The following ANKRD24 variants were observed in gnomAD, a reference collection of about 807,000 sequenced individuals.
ANKRD24 encodes ankyrin repeat domain-containing protein 24.
Under a neutral mutation model 127.8 loss-of-function variants are expected in ANKRD24, and 109 were observed. The ratio of observed to expected loss-of-function variants is 0.85; its 90% CI spans 0.73 to 1.00. The LOEUF (loss-of-function observed/expected upper bound fraction) is 1.00, where lower values mean the gene tolerates loss of function less well. Among genes scored for constraint, ANKRD24 ranks in the 50% least tolerant of loss-of-function variants. ANKRD24 has a pLI of 0.00. For missense variants in ANKRD24, 1,648 were observed against 1,570.2 expected, an observed-to-expected ratio of 1.05 and a Z score of -0.84; for synonymous variants, 743 against 671.1, an observed-to-expected ratio of 1.11 and a Z score of -1.66.
Position 4,217,964 on chromosome 19 carries a change from G to T in ANKRD24, c.2804G>T (p.Ser935Ile). Residue 935 changes from serine (S) to isoleucine (I), a missense_variant, in exon 18 of 22, where the codon AGT (serine) becomes ATT (isoleucine). By Grantham distance (142) the Ser-to-Ile change is moderately radical. Coordinates refer to ENST00000318934, the MANE Select transcript of ANKRD24 (RefSeq NM_001393985.1). ...EALELRGRAA[S>I]LEQEVVATGK... Reference sequence around the variant, plus strand: ...CTGGAGCTGCGGGGCCGGGCAGCCAGTCTGGAGCAGGAGGTGGTGGCCACG... The same window carrying T: ...CTGGAGCTGCGGGGCCGGGCAGCCATTCTGGAGCAGGAGGTGGTGGCCACG... 6.6e-7 allele frequency: 1 copy of T among 1,515,812 alleles called. No homozygotes were observed. Among genetic ancestry groups the T allele is most frequent in the Non-Finnish European group, 8.8e-7 (1 of 1,139,414 alleles). The allele number at this position is 1,515,812 out of a possible 1,614,324, so 93.9% of individuals were successfully genotyped here. A position where few individuals can be genotyped will look rare whatever the true frequency, so the allele number is the denominator to read the frequency against.
Position 4,200,169 on chromosome 19 carries a change from C to T in ANKRD24, c.341C>T (p.Ala114Val). ...AGCAATGTCATGAGCGCGGACGGGG[C>T]AGGTACTGCCAGCTGGGCCCCGGGG... is the stretch of plus-strand genomic sequence containing the variant. Reference protein sequence around the residue: ...HGSNVMSADGAGYNALHLAAK... With the variant: ...HGSNVMSADGVGYNALHLAAK... The change falls in exon 5 of 22, where the codon GCA becomes GTA. Residue 114 changes from alanine (A) to valine (V), a missense_variant and splice_region_variant. Coordinates refer to ENST00000318934, the MANE Select transcript of ANKRD24 (RefSeq NM_001393985.1). 1 of 1,597,486 alleles carries T rather than the reference C, an allele frequency of 6.3e-7. No individual in the cohort carries two copies. Among genetic ancestry groups the T allele is most frequent in the Non-Finnish European group, 8.5e-7 (1 of 1,173,042 alleles).
At position 4,206,509 on chromosome 19, in the gene ANKRD24, A is replaced by G. The variant is rs557764481; in HGVS notation, c.467-733A>G. 5.9e-5 allele frequency among the ~76,000 whole-genome samples: 9 copies of G among 151,936 alleles called. 1 individual carries two copies. In the South Asian group the frequency reaches 1.7e-3, roughly 28 times the overall value. On this transcript the variant is annotated intron_variant, in intron 7 of 21. Transcript: ENST00000318934. ...AAAAATTAGCCAGGCACGGTTGCAC[A>G]TGCCTTGTAGTGTGGGTCTCATTCC...
chr19:4,215,717 G>A (rs1970021036), intron 15 of ANKRD24, among the ~76,000 whole-genome samples: 1 of 151,716 alleles, frequency 6.6e-6, no homozygotes, highest in Non-Finnish European at 1.5e-5. Flanking sequence ...GGAGGCTGCA[G>A]TGAACTATGA....
rs991930063 is a variant in ANKRD24 at position 4,198,673 on chromosome 19, C to A, written c.37-1010C>A. 2.5e-5 allele frequency: 10 copies of A among 402,460 alleles called. No homozygotes were observed. The highest frequency in any genetic ancestry group is 4.2e-5 in the African/African-American group (2 of 48,158). The allele number at this position is 402,460 out of a possible 1,614,324, so 24.9% of individuals were successfully genotyped here. A position where few individuals can be genotyped will look rare whatever the true frequency, so the allele number is the denominator to read the frequency against. ...GTCGGCGGCGGGGGGTGGGGGGGAACAGAGGTTGGGGCAGCTTTTGGGGGA... is the reference window on the plus strand; with the variant it reads ...GTCGGCGGCGGGGGGTGGGGGGGAAAAGAGGTTGGGGCAGCTTTTGGGGGA... On this transcript the variant is annotated intron_variant, in intron 2 of 21. Transcript: ENST00000318934. The surrounding 1 kb of genome is among the most constrained non-coding windows in gnomAD (Gnocchi z 6.1).
Position 4,207,301 on chromosome 19 carries a change from C to A in ANKRD24, c.526C>A (p.Pro176Thr). Residue 176 changes from proline to threonine, a missense_variant, in exon 8 of 22, where the codon CCC becomes ACC. Transcript: ENST00000318934. ...VLCSFKAHLN[P>T]QDRSGATPLI... Reference sequence around the variant, plus strand: ...CTGCTCCTTTAAGGCACATCTAAACCCCCAAGATCGGGTAAGCTTCTGGGA... The same window carrying A: ...CTGCTCCTTTAAGGCACATCTAAACACCCAAGATCGGGTAAGCTTCTGGGA... The A allele has an allele frequency of 6.2e-7, 1 of 1,613,784 alleles. No homozygotes were observed. Among genetic ancestry groups the A allele is most frequent in the Non-Finnish European group, 8.5e-7 (1 of 1,179,826 alleles).
chr19:4,224,032 G>C, intron 20 of ANKRD24, 95 bp from the exon 21 acceptor site: 1 of 942,822 alleles, frequency 1.1e-6, no homozygotes, highest in Non-Finnish European at 1.6e-6. Context: ...GGCCATCAAC[G>C]TACAGGCTTG....
At position 4,222,798 on chromosome 19, in the gene ANKRD24, A is replaced by T. The variant is rs762374512; in HGVS notation, c.3297+3A>T. The T allele has an allele frequency of 1.2e-6, 2 of 1,604,842 alleles. No individual in the cohort carries two copies. The highest frequency in any genetic ancestry group is 1.7e-6 in the Non-Finnish European group (2 of 1,173,364). ...AGGATTTACAGCAGCAGCTGCAGGT[A>T]AGGACTGGGCCACGCAGGGGCCAGG... On this transcript the variant is annotated splice_donor_region_variant and intron_variant, in intron 20 of 21. Coordinates refer to ENST00000318934, the MANE Select transcript of ANKRD24 (RefSeq NM_001393985.1).
chr19:4,196,082 T>G (rs8112991), intron 2 of ANKRD24, among the ~76,000 whole-genome samples: 76,836 of 151,930 alleles, frequency 0.51, 19,636 homozygotes, highest in Middle Eastern at 0.54. Flanking sequence ...GGGATGCTGC[T>G]CGGCACCCTG....
chr19:4,202,902 G>A lies in ANKRD24; in HGVS notation c.442G>A (p.Gly148Arg), dbSNP rs374613901. The A allele has an allele frequency of 1.0e-5, 16 of 1,587,882 alleles. No homozygotes were observed. Among genetic ancestry groups the A allele is most frequent in the East Asian group, 6.9e-5 (3 of 43,188 alleles). Residue 148 changes from glycine to arginine, a missense_variant, in exon 7 of 22, where the codon GGG becomes AGG. Physicochemically the swap from Gly to Arg is moderately radical, Grantham distance 125. Coordinates refer to ENST00000318934, the MANE Select transcript of ANKRD24 (RefSeq NM_001393985.1). Reference sequence around the variant, plus strand: ...CGTGGTGGACGTCGTGGACAGCAGCGGGTGGACTGCCCTACACCATGCAGG... The same window carrying A: ...CGTGGTGGACGTCGTGGACAGCAGCAGGTGGACTGCCCTACACCATGCAGG... ...SCVVDVVDSSGWTALHHAAAG... is the reference protein window; with the variant it reads ...SCVVDVVDSSRWTALHHAAAG...
intron 18 of ANKRD24, among the ~76,000 whole-genome samples, 180 bp downstream of exon 18, chr19:4,218,343 A>T (rs539920665): frequency 2.7e-5 from 4 of 148,834 alleles, no homozygotes; most frequent in Non-Finnish European, 5.9e-5. Context: ...CGTGTCGCCC[A>T]GGCTGGAGTG....
chr19:4,218,044 G>C lies in ANKRD24; in HGVS notation c.2884G>C (p.Val962Leu). Residue 962 changes from valine (V) to leucine (L), a missense_variant, in exon 18 of 22, where the codon GTG (valine) becomes CTG (leucine). Val to Leu is a conservative substitution (Grantham distance 32). Coordinates refer to ENST00000318934, the MANE Select transcript of ANKRD24 (RefSeq NM_001393985.1). ...AELERERVCSVALSEHERIVG... is the reference protein window; with the variant it reads ...AELERERVCSLALSEHERIVG... ...GCTGGAGCGGGAGCGTGTGTGCAGC[G>C]TGGCGCTCTCGGAGCACGAACGCAT... 1 of 1,560,556 alleles carries C rather than the reference G, an allele frequency of 6.4e-7. No homozygotes were observed. Among genetic ancestry groups the C allele is most frequent in the Non-Finnish European group, 8.6e-7 (1 of 1,157,832 alleles).
intron 13 of ANKRD24, 55 bp downstream of exon 13, chr19:4,210,427 G>GCA: frequency 7.2e-7 from 1 of 1,393,572 alleles, no homozygotes; most frequent in Middle Eastern, 1.8e-4. Flanking sequence ...GTCAATGCAG[G>GCA]CATGAAGATC....
intron 20 of ANKRD24, among the ~76,000 whole-genome samples, chr19:4,223,385 ATATATATATATATATAT>A (rs1206518921): frequency 1.3e-5 from 1 of 78,294 alleles, no homozygotes; most frequent in African/African-American, 6.9e-5. Flanking sequence ...ATATATATAT[ATATATATATATATATAT>A]TTTTTTTTTT....
In ANKRD24 at chr19:4,219,770, C is replaced by G. The variant is rs761771492; in HGVS notation, c.3171+12C>G. ...AGAAGGACAAGAAGGTGGGTGCCCC[C>G]TCTCCCACACTCAGTCAGGGAGGCA... On this transcript the variant is annotated intron_variant, in intron 19 of 21. Transcript: ENST00000318934. 9 of 1,587,122 alleles carry G rather than the reference C, an allele frequency of 5.7e-6. No individual in the cohort carries two copies. The East Asian group carries it at 2.0e-4, about 36-fold the overall frequency.
intron 17 of ANKRD24, 45 bp downstream of exon 17, chr19:4,216,447 GT>G: frequency 6.4e-7 from 1 of 1,555,430 alleles, no homozygotes; most frequent in African/African-American, 1.4e-5. Context: ...CCTAGGGCTG[GT>G]TCCCTGAGGT....
At chr19:4,205,300 G>A (rs929014226) in intron 7 of ANKRD24, among the ~76,000 whole-genome samples, 6 of 152,326 alleles carry the variant, frequency 3.9e-5, no homozygotes, top group African/African-American at 7.2e-5. Context: ...GTCAGGCACC[G>A]TTCTACGTGT....
At position 4,219,620 on chromosome 19, in the gene ANKRD24, T is replaced by C. The variant is rs1599468837; in HGVS notation, c.3033T>C (p.Ser1011=). 3 of 1,612,580 alleles carry C rather than the reference T, an allele frequency of 1.9e-6. No individual in the cohort carries two copies. Among genetic ancestry groups the C allele is most frequent in the Non-Finnish European group, 2.5e-6 (3 of 1,179,142 alleles). Reference sequence around the variant, plus strand: ...AGCGTGAGGCCCTGTTCATGAAGAGTGAGCGACACGCAGCCGAGGCACAGC... The same window carrying C: ...AGCGTGAGGCCCTGTTCATGAAGAGCGAGCGACACGCAGCCGAGGCACAGC... ...QVQREALFMK[S]ERHAAEAQLA... The change falls in exon 19 of 22, where the codon AGT becomes AGC. Residue 1011 remains serine, a synonymous_variant. Coordinates refer to ENST00000318934, the MANE Select transcript of ANKRD24 (RefSeq NM_001393985.1).
In ANKRD24 at chr19:4,182,741, G is replaced by A; in HGVS notation, c.-37+1G>A. 1 of 1,396,560 alleles carries A rather than the reference G, an allele frequency of 7.2e-7. No homozygotes were observed. The highest frequency in any genetic ancestry group is 9.3e-7 in the Non-Finnish European group (1 of 1,073,786). The allele number at this position is 1,396,560 out of a possible 1,614,324, so 86.5% of individuals were successfully genotyped here. On this transcript the variant is annotated splice_donor_variant, in intron 1 of 21. Transcript: ENST00000318934. LOFTEE classifies it low-confidence loss of function (5UTR_SPLICE). Reference sequence around the variant, plus strand: ...AGGAAGCCTGCCTCTTTGCATGCAGGTGTTTGCGGGGCTTGGGAAGGGGCT... The same window carrying A: ...AGGAAGCCTGCCTCTTTGCATGCAGATGTTTGCGGGGCTTGGGAAGGGGCT...
intron 13 of ANKRD24, 28 bp downstream of exon 13, chr19:4,210,400 G>T: frequency 7.0e-7 from 1 of 1,436,218 alleles, no homozygotes; most frequent in South Asian, 1.3e-5. Flanking sequence ...ATTTGGGCGT[G>T]GGCCAGCCTG....
Sources: gnomAD v4.1 joint callset for allele counts (sites outside exome capture counted in the v4.1 genomes callset) on GRCh38, gnomAD v4.1.1 for gene constraint, Gnocchi (gnomAD v3.1) non-coding constraint, MANE v1.5 for transcripts, NCBI Gene and HGNC (gene_info 2026-07-23, HGNC 2026-07-21) for gene names.